PTPRO: variants seen among roughly 807,000 people sequenced by gnomAD.
The protein encoded by PTPRO is protein tyrosine phosphatase receptor type O.
PTPRO carries 62 observed loss-of-function variants against 145.2 expected under a neutral mutation model. That is an observed-to-expected ratio of 0.43 (90% CI 0.35 to 0.53). The LOEUF (loss-of-function observed/expected upper bound fraction) is 0.53, where lower values mean the gene tolerates loss of function less well. PTPRO is among the 20% of genes least tolerant of loss of function. The probability of loss-of-function intolerance (pLI) is 0.01; values close to 1 mark genes in which losing one functional copy is unlikely to be tolerated. For synonymous variants in PTPRO, 565 were observed against 514.7 expected (o/e 1.10, Z -1.32); for missense variants, 1,345 against 1,482.7 (o/e 0.91, Z 1.53).
chr12:15,385,093 G>A (rs1461425738), intron 1 of PTPRO, among the ~76,000 whole-genome samples: 2 of 152,160 alleles, frequency 1.3e-5, no homozygotes, highest in Non-Finnish European at 2.9e-5. Context: ...ATTTATGGCT[G>A]ATTTCCATAC....
intron 1 of PTPRO, among the ~76,000 whole-genome samples, chr12:15,429,421 G>T (rs1940372730): frequency 6.6e-6 from 1 of 152,170 alleles, no homozygotes; most frequent in South Asian, 2.1e-4. Flanking sequence ...ATCTAAGAAG[G>T]CTTTCCTGAG....
At chr12:15,380,752 T>G (rs944641493) in intron 1 of PTPRO, among the ~76,000 whole-genome samples, 1 of 152,188 alleles carries the variant, frequency 6.6e-6, no homozygotes, top group Non-Finnish European at 1.5e-5. Context: ...TCAAATTTTT[T>G]CTTGCACTAA....
intron 1 of PTPRO, among the ~76,000 whole-genome samples, chr12:15,472,981 A>G (rs1327194865): frequency 6.6e-6 from 1 of 152,236 alleles, no homozygotes; most frequent in Middle Eastern, 3.2e-3. Context: ...CTTAGTCCAC[A>G]TGAGCATCAC....
chr12:15,434,376 T>G (rs766242670), intron 1 of PTPRO, among the ~76,000 whole-genome samples: 81 of 152,180 alleles, frequency 5.3e-4, no homozygotes, highest in Non-Finnish European at 1.0e-3. Context: ...CTCATTTGGG[T>G]GGCATGTTTC....
chr12:15,585,817 G>C (rs1034378486), intron 23 of PTPRO, among the ~76,000 whole-genome samples: 9 of 152,154 alleles, frequency 5.9e-5, no homozygotes, highest in Non-Finnish European at 2.9e-5. Context: ...AACAAGTGGA[G>C]AATATGTAAC....
intron 15 of PTPRO, among the ~76,000 whole-genome samples, chr12:15,552,360 G>C (rs1943487201): frequency 6.6e-6 from 1 of 152,056 alleles, no homozygotes; most frequent in African/African-American, 2.4e-5. Flanking sequence ...AATACTACTT[G>C]GTTTGGGAAA....
chr12:15,404,146 G>A (rs11056460), intron 1 of PTPRO, among the ~76,000 whole-genome samples: 16,490 of 131,352 alleles, frequency 0.13, 1,110 homozygotes, highest in Middle Eastern at 0.26. Flanking sequence ...CCGAGATCTC[G>A]CCACTGCACT....
At chr12:15,568,616 G>A (rs1943963246) in intron 18 of PTPRO, among the ~76,000 whole-genome samples, 2 of 151,990 alleles carry the variant, frequency 1.3e-5, no homozygotes, top group Admixed American at 1.3e-4. Context: ...GAGCAAATTG[G>A]TTTAGGTAGG....
intron 1 of PTPRO, among the ~76,000 whole-genome samples, chr12:15,364,931 G>A (rs1434704067): frequency 6.6e-6 from 1 of 151,974 alleles, no homozygotes; most frequent in Non-Finnish European, 1.5e-5. Context: ...TTCTGGCCTG[G>A]GTCCAGAAAC....
intron 15 of PTPRO, among the ~76,000 whole-genome samples, chr12:15,553,446 G>C (rs865997918): frequency 5.9e-5 from 9 of 152,148 alleles, no homozygotes. Flanking sequence ...GAGGTAGCCT[G>C]TGTTATCTGT....
At chr12:15,491,939 G>GACAA (rs72189659) in intron 2 of PTPRO, among the ~76,000 whole-genome samples, 3,641 of 151,580 alleles carry the variant, frequency 0.024, 156 homozygotes, top group African/African-American at 0.083. Flanking sequence ...CTTCCTGTTT[G>GACAA]ACAAACAAAC....
At position 15,471,070 on chromosome 12, in the gene PTPRO, C is replaced by G. The variant is rs749962001; in HGVS notation, c.76-12904C>G. On this transcript the variant is annotated intron_variant, in intron 1 of 26. Coordinates refer to ENST00000281171, the MANE Select transcript of PTPRO (RefSeq NM_030667.3). ...GACAGTAATTGGGAGATGGGAGTCCCTTTACCAAACAACAGGCAAAAGAGA... is the reference window on the plus strand; with the variant it reads ...GACAGTAATTGGGAGATGGGAGTCCGTTTACCAAACAACAGGCAAAAGAGA... Among the ~76,000 whole-genome samples, 4 of 152,256 alleles carry G rather than the reference C, an allele frequency of 2.6e-5. No homozygotes were observed. The South Asian group carries it at 8.3e-4, about 32-fold the overall frequency.
rs530874367 is a variant in PTPRO at position 15,363,781 on chromosome 12, C to T, written c.75+40980C>T. Among the ~76,000 whole-genome samples, 14 of 152,088 alleles carry T rather than the reference C, an allele frequency of 9.2e-5. No homozygotes were observed. The East Asian group carries it at 1.2e-3, about 13-fold the overall frequency. ...GGACTTACAGCTCTTTGCAAAAAAA[C>T]GCTATCACTGTTATTTTAATATTTG... is the stretch of plus-strand genomic sequence containing the variant. On this transcript the variant is annotated intron_variant, in intron 1 of 26. Transcript: ENST00000281171.
chr12:15,565,960 A>G (rs954505026), intron 18 of PTPRO, among the ~76,000 whole-genome samples: 1 of 152,210 alleles, frequency 6.6e-6, no homozygotes, highest in African/African-American at 2.4e-5. Flanking sequence ...ACTACATCAA[A>G]GGGTTTCAAA....
intron 20 of PTPRO, 32 bp downstream of exon 20, chr12:15,578,975 T>G: frequency 6.7e-7 from 1 of 1,500,968 alleles, no homozygotes; most frequent in South Asian, 1.1e-5. Flanking sequence ...ATAACACTCA[T>G]GTCTTAAGGG....
At chr12:15,573,362 G>T (rs1198265062) in intron 19 of PTPRO, among the ~76,000 whole-genome samples, 1 of 152,126 alleles carries the variant, frequency 6.6e-6, no homozygotes, top group Admixed American at 6.6e-5. Context: ...TTACGTAAAT[G>T]TTAATCACAT....
chr12:15,352,775 T>G (rs1195289293), intron 1 of PTPRO, among the ~76,000 whole-genome samples: 3 of 152,062 alleles, frequency 2.0e-5, no homozygotes, highest in Non-Finnish European at 4.4e-5. Flanking sequence ...ATTAGGAGAA[T>G]GTGATTCAGC....
At chr12:15,531,224 C>G (rs1253086132) in intron 12 of PTPRO, among the ~76,000 whole-genome samples, 1 of 152,020 alleles carries the variant, frequency 6.6e-6, no homozygotes, top group Non-Finnish European at 1.5e-5. Flanking sequence ...ATAAAGTCTC[C>G]TACCAAAGAA....
chr12:15,416,323 TTC>T (rs1565616798), intron 1 of PTPRO, among the ~76,000 whole-genome samples: 2 of 68,474 alleles, frequency 2.9e-5, no homozygotes, highest in East Asian at 4.8e-4. Flanking sequence ...CTCTCTCTCT[TTC>T]TTTTTTTTTT....
Sources: gnomAD v4.1 joint callset for allele counts (sites outside exome capture counted in the v4.1 genomes callset) on GRCh38, gnomAD v4.1.1 for gene constraint, MANE v1.5 for transcripts, NCBI Gene and HGNC (gene_info 2026-07-23, HGNC 2026-07-21) for gene names.